KLHL6: variants seen among roughly 807,000 people sequenced by gnomAD.
The protein encoded by KLHL6 is kelch like family member 6.
Under a neutral mutation model 58.6 loss-of-function variants are expected in KLHL6, and 41 were observed. The ratio of observed to expected loss-of-function variants is 0.70; its 90% CI spans 0.55 to 0.91. The LOEUF (loss-of-function observed/expected upper bound fraction) is 0.91. Among genes scored for constraint, KLHL6 ranks in the 40% least tolerant of loss-of-function variants. KLHL6 has a pLI of 0.00. For missense variants in KLHL6, 714 were observed against 805.6 expected (o/e 0.89, Z 1.38); for synonymous variants, 338 against 322.7 (o/e 1.05, Z -0.51).
At chr3:183,547,015 G>A (rs1483384228) in intron 1 of KLHL6, among the ~76,000 whole-genome samples, 3 of 150,840 alleles carry the variant, frequency 2.0e-5, no homozygotes, top group African/African-American at 4.9e-5. Context: ...GGGTTCAATC[G>A]ATTCTCCGGC....
At position 183,517,039 on chromosome 3, in the gene KLHL6, G is replaced by T. The variant is rs368278951; in HGVS notation, c.460-8531C>A. 3.4e-3 allele frequency among the ~76,000 whole-genome samples: 511 copies of T among 152,238 alleles called. 1 individual carries two copies. The highest frequency in any genetic ancestry group is 0.011 in the African/African-American group (476 of 41,522). ...TTCTTGTGCCTCAGCCTCCCGAGTA[G>T]CTGGGATTACAGGCTCGCACCACCA... On this transcript the variant is annotated intron_variant, in intron 2 of 6. Coordinates refer to ENST00000341319, the MANE Select transcript of KLHL6 (RefSeq NM_130446.4).
At position 183,555,513 on chromosome 3, in the gene KLHL6, G is replaced by A. The variant is rs1004787604; in HGVS notation, c.141C>T (p.Val47=). ...DLVEILNGEK[V]KFDDAGLSLI... ...AGGAGAGTCCCGCGTCGTCAAATTT[G>A]ACCTTTTCCCCATTTAAGATCTCGA... is the stretch of plus-strand genomic sequence containing the variant. The change falls in exon 1 of 7, where the codon GTC becomes GTT. Residue 47 remains valine (V), a synonymous_variant. Transcript: ENST00000341319. The A allele has an allele frequency of 6.2e-7, 1 of 1,614,022 alleles. No individual in the cohort carries two copies. The highest frequency in any genetic ancestry group is 1.3e-5 in the African/African-American group (1 of 74,908).
At chr3:183,511,669 A>G (rs1167279289) in intron 2 of KLHL6, among the ~76,000 whole-genome samples, 1 of 152,192 alleles carries the variant, frequency 6.6e-6, no homozygotes, top group Non-Finnish European at 1.5e-5. Flanking sequence ...GGAGAATGGC[A>G]ATGACTTTTA....
chr3:183,510,838 A>T (rs1577184334), intron 2 of KLHL6, among the ~76,000 whole-genome samples: 1 of 151,822 alleles, frequency 6.6e-6, no homozygotes, highest in Admixed American at 6.6e-5. Flanking sequence ...GTGTCATTGC[A>T]CTCTAGCCCG....
At chr3:183,511,618 C>T (rs1465529249) in intron 2 of KLHL6, among the ~76,000 whole-genome samples, 5 of 152,206 alleles carry the variant, frequency 3.3e-5, no homozygotes, top group South Asian at 2.1e-4. Flanking sequence ...GAGGTCCCTG[C>T]GGCTTTCTGC....
Position 183,492,638 on chromosome 3 carries a change from C to T in KLHL6, c.1420G>A (p.Gly474Arg), listed in dbSNP as rs1205215833. 2.5e-6 allele frequency: 4 copies of T among 1,614,008 alleles called. No homozygotes were observed. Among genetic ancestry groups the T allele is most frequent in the Non-Finnish European group, 3.4e-6 (4 of 1,180,050 alleles). ...TSHKKKLYVI[G>R]GGPNGKLATD... ...GCCAGTTTCCCATTGGGCCCTCCCC[C>T]GATCACATACAGCTTCTTCTTATGG... The change falls in exon 6 of 7, where the codon GGG (glycine) becomes AGG (arginine). Residue 474 changes from glycine (G) to arginine (R), a missense_variant. By Grantham distance (125) the Gly-to-Arg change is moderately radical (BLOSUM62 -2). Coordinates refer to ENST00000341319, the MANE Select transcript of KLHL6 (RefSeq NM_130446.4). This position sits in a 1 kb window ranked among gnomAD's most constrained non-coding sequence, Gnocchi z 5.9.
chr3:183,553,968 C>T (rs1043889497), intron 1 of KLHL6, among the ~76,000 whole-genome samples: 1 of 146,826 alleles, frequency 6.8e-6, no homozygotes, highest in African/African-American at 2.6e-5. Context: ...CGTTTCCCCC[C>T]AAGCACCTCA....
rs143097387 is a variant in KLHL6, at chr3:183,510,908, C to A, written c.460-2400G>T. Among the ~76,000 whole-genome samples, 197 of 79,124 alleles carry A rather than the reference C, an allele frequency of 2.5e-3. 1 individual carries two copies. Among genetic ancestry groups the A allele is most frequent in the African/African-American group, 6.6e-3 (189 of 28,452 alleles). The allele number at this position is 79,124 out of a possible 152,430, so 51.9% of individuals were successfully genotyped here. ...AAATAAATAAATAAATAAAGCATTTCTCCGAGGGTCAATGCTGAAGGGGGC... is the reference window on the plus strand; with the variant it reads ...AAATAAATAAATAAATAAAGCATTTATCCGAGGGTCAATGCTGAAGGGGGC... On this transcript the variant is annotated intron_variant, in intron 2 of 6. Transcript: ENST00000341319.
At chr3:183,530,194 A>C (rs1241549326) in intron 1 of KLHL6, among the ~76,000 whole-genome samples, 1 of 152,186 alleles carries the variant, frequency 6.6e-6, no homozygotes, top group Non-Finnish European at 1.5e-5. Flanking sequence ...AATACTGAAA[A>C]AATGTGAAAA....
At chr3:183,503,981 C>A (rs549028248) in intron 3 of KLHL6, among the ~76,000 whole-genome samples, 2 of 152,110 alleles carry the variant, frequency 1.3e-5, no homozygotes, top group East Asian at 3.9e-4. Flanking sequence ...AATGAGACCC[C>A]AATTAGGAGG....
At chr3:183,520,288 G>A (rs1711712343) in intron 2 of KLHL6, 1 of 152,140 alleles carries the variant, frequency 6.6e-6, no homozygotes, top group African/African-American at 2.4e-5. Context: ...CAAACACCGA[G>A]AAATATAAAG....
At chr3:183,538,766 C>T (rs1196662237) in intron 1 of KLHL6, among the ~76,000 whole-genome samples, 1 of 152,192 alleles carries the variant, frequency 6.6e-6, no homozygotes. Context: ...GGCACCAAAA[C>T]CTGAGCCAAT....
At chr3:183,550,559 C>T (rs1290852206) in intron 1 of KLHL6, among the ~76,000 whole-genome samples, 2 of 152,032 alleles carry the variant, frequency 1.3e-5, no homozygotes, top group Non-Finnish European at 2.9e-5. Flanking sequence ...ATTTGGGAGG[C>T]GGAGGTGGGT....
chr3:183,517,067 C>A (rs985937237), intron 2 of KLHL6, among the ~76,000 whole-genome samples: 4 of 152,052 alleles, frequency 2.6e-5, no homozygotes, highest in African/African-American at 7.3e-5. Flanking sequence ...CACCACCACA[C>A]CCAGCTAATT....
In KLHL6 at chr3:183,491,837, G is replaced by A; in HGVS notation, c.*90C>T. ...CCCTGATGTATGGCCTCAAACTCGA[G>A]CCTGCTGCCTGAAGTGGGACTGGAG... On this transcript the variant is annotated 3_prime_UTR_variant, in exon 7 of 7. Transcript: ENST00000341319. 1 of 1,206,120 alleles carries A rather than the reference G, an allele frequency of 8.3e-7. No homozygotes were observed. Among genetic ancestry groups the A allele is most frequent in the East Asian group, 2.7e-5 (1 of 36,558 alleles). The allele number at this position is 1,206,120 out of a possible 1,614,324, so 74.7% of individuals were successfully genotyped here. A position where few individuals can be genotyped will look rare whatever the true frequency, so the allele number is the denominator to read the frequency against.
chr3:183,537,060 ACTACC>A (rs1712387827), intron 1 of KLHL6, among the ~76,000 whole-genome samples: 1 of 152,118 alleles, frequency 6.6e-6, no homozygotes, highest in African/African-American at 2.4e-5. Context: ...ACTTAAATAC[ACTACC>A]CTGGCCATGG....
chr3:183,532,739 G>A (rs1028702613), intron 1 of KLHL6, among the ~76,000 whole-genome samples: 4 of 152,176 alleles, frequency 2.6e-5, no homozygotes, highest in African/African-American at 7.2e-5. Flanking sequence ...ACAATGGTCT[G>A]GAAAGATAAC....
chr3:183,518,222 C>G (rs144864826), intron 2 of KLHL6, among the ~76,000 whole-genome samples: 1 of 152,206 alleles, frequency 6.6e-6, no homozygotes, highest in Non-Finnish European at 1.5e-5. Flanking sequence ...CCCATAGCTC[C>G]ACCACTTGAT....
At chr3:183,519,026 A>T (rs888610139) in intron 2 of KLHL6, among the ~76,000 whole-genome samples, 42 of 152,316 alleles carry the variant, frequency 2.8e-4, no homozygotes, top group African/African-American at 9.4e-4. Context: ...GAACAAAAGA[A>T]CATGTGCCTT....
Sources: gnomAD v4.1 joint callset for allele counts (sites outside exome capture counted in the v4.1 genomes callset) on GRCh38, gnomAD v4.1.1 for gene constraint, Gnocchi (gnomAD v3.1) non-coding constraint, MANE v1.5 for transcripts, NCBI Gene and HGNC (gene_info 2026-07-23, HGNC 2026-07-21) for gene names.